KMO: variants seen among roughly 807,000 people sequenced by gnomAD.
The protein encoded by KMO is kynurenine 3-hydroxylase.
A neutral mutation model predicts 57.8 loss-of-function variants in KMO; 24 were observed. The ratio of observed to expected loss-of-function variants is 0.42; its 90% confidence interval spans 0.30 to 0.58. KMO has a LOEUF of 0.58. Among genes scored for constraint, KMO ranks in the 20% least tolerant of loss-of-function variants. KMO has a pLI of 0.22. For missense variants in KMO, 483 were observed against 588.2 expected (o/e 0.82, Z 1.85); for synonymous variants, 210 against 193.6 (o/e 1.08, Z -0.70).
rs114865698 is a variant in KMO at position 241,574,272 on chromosome 1, C to T, written c.957+5625C>T. Among the ~76,000 whole-genome samples, 133 of 152,122 alleles carry T rather than the reference C, an allele frequency of 8.7e-4. No homozygotes were observed. In the Middle Eastern group the frequency reaches 0.014, roughly 16 times the overall value. On this transcript the variant is annotated intron_variant, in intron 10 of 14. Transcript: ENST00000366559. ...GGATGTCCTTCATTTCCTTCTCCTG[C>T]CTGATTACTTTCTCTAGGACTTCCA...
intron 5 of KMO, among the ~76,000 whole-genome samples, chr1:241,560,036 A>G (rs992825364): frequency 1.3e-5 from 2 of 152,240 alleles, no homozygotes; most frequent in Admixed American, 6.5e-5. Flanking sequence ...TGTTGTAACA[A>G]GGGCATAATT....
chr1:241,573,547 T>A (rs2147971860), intron 10 of KMO, among the ~76,000 whole-genome samples: 1 of 152,278 alleles, frequency 6.6e-6, no homozygotes, highest in African/African-American at 2.4e-5. Context: ...TGCCTCAATT[T>A]ATGTTTTTGT....
intron 5 of KMO, among the ~76,000 whole-genome samples, chr1:241,558,506 G>A (rs750463181): frequency 2.0e-5 from 3 of 152,096 alleles, no homozygotes; most frequent in Non-Finnish European, 4.4e-5. Flanking sequence ...CCCTACGTCG[G>A]CATTTCATGC....
In KMO at chr1:241,588,795, G is replaced by A. The variant is rs757889261; in HGVS notation, c.1063G>A (p.Ala355Thr). The part of the protein sequence containing the change: ...FSRLRIPDDH[A>T]ISDLSMYNYI... ...AAGATTGAGAATCCCAGATGATCAC[G>A]CGATTTCAGACCTATCCATGTACAA... The change falls in exon 12 of 15, where the codon GCG becomes ACG. Residue 355 changes from alanine to threonine, a missense_variant. Transcript: ENST00000366559. 1.7e-5 allele frequency: 27 copies of A among 1,613,332 alleles called. No homozygotes were observed. Among genetic ancestry groups the A allele is most frequent in the South Asian group, 2.2e-5 (2 of 91,074 alleles).
intron 2 of KMO, among the ~76,000 whole-genome samples, chr1:241,549,237 GAAAGAAAGAAA>G (rs1558414797): frequency 2.0e-4 from 3 of 15,326 alleles, no homozygotes; most frequent in African/African-American, 3.4e-4. Context: ...AAGAAAGAAA[GAAAGAAAGAAA>G]GAAAGAAAGA....
chr1:241,586,860 A>G, intron 11 of KMO, 124 bp downstream of exon 11: 1 of 679,148 alleles, frequency 1.5e-6, no homozygotes, highest in Non-Finnish European at 2.5e-6. Flanking sequence ...CCAGGATTAC[A>G]TATTTTTCTA....
chr1:241,571,429 T>C (rs1279082351), intron 10 of KMO, among the ~76,000 whole-genome samples: 1 of 152,204 alleles, frequency 6.6e-6, no homozygotes, highest in African/African-American at 2.4e-5. Flanking sequence ...TGTTGTCATA[T>C]ACAGCTTTTA....
At chr1:241,576,018 C>A (rs1276319027) in intron 10 of KMO, among the ~76,000 whole-genome samples, 2 of 133,416 alleles carry the variant, frequency 1.5e-5, no homozygotes, top group Non-Finnish European at 3.2e-5. Flanking sequence ...TAATGGCCTT[C>A]TTTGTCTTTT....
intron 5 of KMO, among the ~76,000 whole-genome samples, chr1:241,556,971 G>A (rs1052522839): frequency 6.6e-6 from 1 of 152,034 alleles, no homozygotes; most frequent in Admixed American, 6.6e-5. Context: ...CTGAGAAAGG[G>A]TTGCAATCTT....
At chr1:241,574,663 G>A (rs764755509) in intron 10 of KMO, among the ~76,000 whole-genome samples, 3 of 151,902 alleles carry the variant, frequency 2.0e-5, no homozygotes, top group Non-Finnish European at 4.4e-5. Flanking sequence ...GTTGGATTTG[G>A]TTAGCTAGTA....
intron 3 of KMO, among the ~76,000 whole-genome samples, chr1:241,550,486 T>C (rs1661355081): frequency 6.6e-6 from 1 of 152,242 alleles, no homozygotes; most frequent in African/African-American, 2.4e-5. Flanking sequence ...TTTTTCTTGA[T>C]ACTACTTTCA....
intron 1 of KMO, among the ~76,000 whole-genome samples, chr1:241,535,046 G>T (rs543038148): frequency 1.3e-5 from 2 of 151,874 alleles, no homozygotes; most frequent in East Asian, 3.9e-4. Context: ...TCCAGAGGCT[G>T]TAATTATGCC....
intron 10 of KMO, among the ~76,000 whole-genome samples, chr1:241,579,024 C>T (rs1197270921): frequency 6.6e-6 from 1 of 152,086 alleles, no homozygotes; most frequent in African/African-American, 2.4e-5. Flanking sequence ...TTATGTCCCA[C>T]CAGGTCCCTC....
chr1:241,576,717 A>G (rs1005712858), intron 10 of KMO, among the ~76,000 whole-genome samples: 1 of 144,842 alleles, frequency 6.9e-6, no homozygotes, highest in Admixed American at 6.8e-5. Flanking sequence ...GCTTGATAAC[A>G]TACACCTTGG....
rs1209957889 is a variant in KMO, at chr1:241,571,133, C to G, written c.957+2486C>G. On this transcript the variant is annotated intron_variant, in intron 10 of 14. Transcript: ENST00000366559. ...TATTTTTGTATGTTGATTTTGTATC[C>G]TGTAACTTTACTAAATTTGTTTATC... Among the ~76,000 whole-genome samples, 5 of 152,010 alleles carry G rather than the reference C, an allele frequency of 3.3e-5. 1 individual carries two copies. Among genetic ancestry groups the G allele is most frequent in the Admixed American group, 2.6e-4 (4 of 15,266 alleles).
chr1:241,563,650 G>A (rs1199556157), intron 7 of KMO, among the ~76,000 whole-genome samples: 5 of 152,156 alleles, frequency 3.3e-5, no homozygotes, highest in Admixed American at 3.3e-4. Context: ...AAGAAGAACT[G>A]TGCTTGCTAA....
chr1:241,562,261 C>T lies in KMO; in HGVS notation c.544C>T (p.Arg182Cys), dbSNP rs777000249. The stretch of plus-strand genomic sequence containing the variant: ...CAGATCTCACCTGATGAAGAAACCT[C>T]GCTTTGATTACAGTCAGCAGTACAT... ...TVRSHLMKKPRFDYSQQYIPH... is the reference protein window; with the variant it reads ...TVRSHLMKKPCFDYSQQYIPH... The change falls in exon 7 of 15, where the codon CGC becomes TGC. Residue 182 changes from arginine to cysteine, a missense_variant. Coordinates refer to ENST00000366559, the MANE Select transcript of KMO (RefSeq NM_003679.5). 13 of 1,614,040 alleles carry T rather than the reference C, an allele frequency of 8.1e-6. No individual in the cohort carries two copies. The Admixed American group carries it at 1.5e-4, about 19-fold the overall frequency.
Position 241,592,115 on chromosome 1 carries a change from GACTCCCTAGA to G in KMO, c.1426_1435del (p.Ser476LysfsTer15), listed in dbSNP as rs1308113982. 6.2e-7 allele frequency: 1 copy of G among 1,613,716 alleles called. No individual in the cohort carries two copies. Among genetic ancestry groups the G allele is most frequent in the South Asian group, 1.1e-5 (1 of 91,080 alleles). ...AACATGTTTCCCCGCAAAGGCCGTG[GACTCCCTAGA>G]ACAAATTTCCAATCTCATTAGCAGG... On this transcript the variant is annotated frameshift_variant, in exon 15 of 15. Coordinates refer to ENST00000366559, the MANE Select transcript of KMO (RefSeq NM_003679.5). LOFTEE classifies it low-confidence loss of function (END_TRUNC).
Position 241,578,898 on chromosome 1 carries a change from G to A in KMO, c.958-7781G>A, listed in dbSNP as rs150286399. On this transcript the variant is annotated intron_variant, in intron 10 of 14. Transcript: ENST00000366559. Reference sequence around the variant, plus strand: ...GAAAGGCCCTTCTCACATGGTAGCAGACAAGAGAAGAGTGAGAGCCAAGTG... The same window carrying A: ...GAAAGGCCCTTCTCACATGGTAGCAAACAAGAGAAGAGTGAGAGCCAAGTG... Among the ~76,000 whole-genome samples the A allele has an allele frequency of 6.3e-3, 956 of 152,214 alleles. 15 individuals are homozygous for A. The highest frequency in any genetic ancestry group is 0.034 in the Admixed American group (527 of 15,282).
Sources: gnomAD v4.1 joint callset for allele counts (sites outside exome capture counted in the v4.1 genomes callset) on GRCh38, gnomAD v4.1.1 for gene constraint, MANE v1.5 for transcripts, NCBI Gene and HGNC (gene_info 2026-07-23, HGNC 2026-07-21) for gene names.